Variants in CSTPP1 observed in about 807,000 individuals in gnomAD.
The protein encoded by CSTPP1 is UPF0705 protein C11orf49.
chr11:47,038,485 C>T, the CSTPP1 span, among the ~76,000 whole-genome samples: 3 of 100,742 alleles, frequency 3.0e-5, no homozygotes, highest in Non-Finnish European at 7.3e-5. Context: ...CCGGACGGGG[C>T]GGCCGGCCAG....
chr11:47,089,157 G>A, the CSTPP1 span, among the ~76,000 whole-genome samples: 1 of 152,142 alleles, frequency 6.6e-6, no homozygotes, highest in Non-Finnish European at 1.5e-5. Flanking sequence ...CTGAGGGCAA[G>A]GAGTAATTCT....
the CSTPP1 span, chr11:46,987,398 T>C: frequency 4.5e-6 from 5 of 1,112,628 alleles, no homozygotes; most frequent in Non-Finnish European, 6.8e-6. Context: ...AGCAGGACAA[T>C]GCTGATTAGG....
At chr11:47,002,860 A>G in the CSTPP1 span, among the ~76,000 whole-genome samples, 7 of 152,312 alleles carry the variant, frequency 4.6e-5, no homozygotes, top group African/African-American at 1.4e-4. Flanking sequence ...TCAATCTATA[A>G]ATAATATGAA....
At chr11:47,097,099 TAG>T in the CSTPP1 span, among the ~76,000 whole-genome samples, 1 of 123,128 alleles carries the variant, frequency 8.1e-6, no homozygotes. Flanking sequence ...GGGAGGGAGG[TAG>T]GGGGGTCAGC....
At chr11:47,050,562 C>T in the CSTPP1 span, among the ~76,000 whole-genome samples, 186 of 152,296 alleles carry the variant, frequency 1.2e-3, 4 homozygotes, top group South Asian at 0.037. Context: ...TCTTTAAAAG[C>T]TATACCAAAG....
chr11:47,095,716 G>A, the CSTPP1 span, among the ~76,000 whole-genome samples: 2 of 152,092 alleles, frequency 1.3e-5, no homozygotes, highest in African/African-American at 4.8e-5. Flanking sequence ...CAAATTCCTA[G>A]CGCTTTTCAA....
chr11:47,008,462 A>G, the CSTPP1 span, among the ~76,000 whole-genome samples: 1 of 152,162 alleles, frequency 6.6e-6, no homozygotes, highest in Non-Finnish European at 1.5e-5. Flanking sequence ...GATATCTGGT[A>G]TGACAGTAAT....
chr11:46,987,457 A>G, the CSTPP1 span: 12 of 671,778 alleles, frequency 1.8e-5, no homozygotes, highest in Admixed American at 6.9e-5. Context: ...GGGCCGCCCA[A>G]ACATGTTTTG....
At chr11:47,122,092 ATATATATATATAT>A in the CSTPP1 span, among the ~76,000 whole-genome samples, 4 of 35,078 alleles carry the variant, frequency 1.1e-4, no homozygotes, top group African/African-American at 3.1e-4. Context: ...AAAAAAAAAA[ATATATATATATAT>A]ATATATATAT....
At chr11:46,987,248 C>G in the CSTPP1 span, 1 of 1,613,994 alleles carries the variant, frequency 6.2e-7, no homozygotes, top group African/African-American at 1.3e-5. Context: ...ATGCAGTGTG[C>G]CAGCTGCTAG....
the CSTPP1 span, among the ~76,000 whole-genome samples, chr11:47,048,527 A>G: frequency 4.8e-4 from 73 of 152,238 alleles, 1 homozygote; most frequent in Admixed American, 4.0e-3. Flanking sequence ...ATTTTGATAC[A>G]TGCTACATGT....
the CSTPP1 span, among the ~76,000 whole-genome samples, chr11:47,144,669 C>T: frequency 6.6e-6 from 1 of 152,116 alleles, no homozygotes; most frequent in African/African-American, 2.4e-5. Context: ...TTGTGATTGG[C>T]CTGCAGGCTC....
the CSTPP1 span, among the ~76,000 whole-genome samples, chr11:47,083,029 C>T: frequency 6.6e-6 from 1 of 151,998 alleles, no homozygotes; most frequent in Non-Finnish European, 1.5e-5. Context: ...AATGTTCTCC[C>T]TCCCCCGACC....
the CSTPP1 span, among the ~76,000 whole-genome samples, chr11:47,138,281 T>G: frequency 6.6e-6 from 1 of 152,134 alleles, no homozygotes; most frequent in African/African-American, 2.4e-5. Context: ...TCTTCAGAAC[T>G]CACTCACTAT....
the CSTPP1 span, among the ~76,000 whole-genome samples, chr11:47,031,093 T>C: frequency 6.6e-5 from 10 of 152,350 alleles, no homozygotes; most frequent in Non-Finnish European, 1.2e-4. Flanking sequence ...TATTGCCCAC[T>C]TCACCAGAAT....
the CSTPP1 span, among the ~76,000 whole-genome samples, chr11:46,969,906 A>C: frequency 6.6e-6 from 1 of 152,204 alleles, no homozygotes; most frequent in Non-Finnish European, 1.5e-5. Flanking sequence ...CAGGGATTAC[A>C]GGTGCACTTC....
chr11:46,981,342 A>G, the CSTPP1 span, among the ~76,000 whole-genome samples: 12 of 152,080 alleles, frequency 7.9e-5, no homozygotes, highest in African/African-American at 1.2e-4. Flanking sequence ...CTCACAAACT[A>G]TATTTCTGTA....
At chr11:47,087,146 T>G in the CSTPP1 span, among the ~76,000 whole-genome samples, 1 of 152,328 alleles carries the variant, frequency 6.6e-6, no homozygotes, top group South Asian at 2.1e-4. Flanking sequence ...ACTATGTACT[T>G]AGCCAAGCTT....
At chr11:46,952,775 TCTCTATA>T in the CSTPP1 span, among the ~76,000 whole-genome samples, 1 of 152,232 alleles carries the variant, frequency 6.6e-6, no homozygotes, top group East Asian at 1.9e-4. Context: ...GAATAGTTCC[TCTCTATA>T]CTCTAGTGAG....
Sources: gnomAD v4.1 joint callset for allele counts (sites outside exome capture counted in the v4.1 genomes callset) on GRCh38, gnomAD v4.1.1 for gene constraint, MANE v1.5 for transcripts, NCBI Gene and HGNC (gene_info 2026-07-23, HGNC 2026-07-21) for gene names.